The following NR3C1 variants were observed in gnomAD, a reference collection of about 807,000 sequenced individuals.
The protein encoded by NR3C1 is nuclear receptor subfamily 3 group C member 1.
A neutral mutation model predicts 74.0 loss-of-function variants in NR3C1; 14 were observed. That is an observed-to-expected ratio of 0.19 (90% CI 0.12 to 0.30). The LOEUF (loss-of-function observed/expected upper bound fraction) is 0.30. NR3C1 is among the 10% of genes least tolerant of loss of function. The pLI is 1.00. For missense variants in NR3C1, 695 were observed against 909.8 expected (o/e 0.76, Z 3.04); for synonymous variants, 308 against 332.5 (o/e 0.93, Z 0.80).
intron 5 of NR3C1, among the ~76,000 whole-genome samples, chr5:143,299,122 C>T (rs1267223384): frequency 6.7e-6 from 1 of 148,972 alleles, no homozygotes; most frequent in Non-Finnish European, 1.5e-5. Flanking sequence ...TCAAGTGATT[C>T]TCAGTGCCAG....
At chr5:143,372,173 G>T (rs1834344402) in intron 2 of NR3C1, among the ~76,000 whole-genome samples, 1 of 152,108 alleles carries the variant, frequency 6.6e-6, no homozygotes, top group African/African-American at 2.4e-5. Context: ...TCTTATCATA[G>T]ATCTTAGCAG....
chr5:143,434,749 T>G, exon 1 of NR3C1: 1 of 985,442 alleles, frequency 1.0e-6, no homozygotes, highest in South Asian at 4.7e-5. Context: ...TCTGCAGCAG[T>G]CGTCACAGAA....
intron 2 of NR3C1, among the ~76,000 whole-genome samples, chr5:143,365,429 G>A (rs1188311354): frequency 1.3e-5 from 2 of 152,112 alleles, no homozygotes; most frequent in East Asian, 1.9e-4. Flanking sequence ...TGTTCTTATA[G>A]GGCACTGTAT....
At chr5:143,355,655 A>C (rs1356432540) in intron 2 of NR3C1, among the ~76,000 whole-genome samples, 1 of 152,210 alleles carries the variant, frequency 6.6e-6, no homozygotes, top group Non-Finnish European at 1.5e-5. Context: ...ATAAGGAGCA[A>C]GCCAATTTGA....
intron 2 of NR3C1, among the ~76,000 whole-genome samples, chr5:143,391,799 T>A (rs1444396928): frequency 6.6e-6 from 1 of 152,132 alleles, no homozygotes; most frequent in Non-Finnish European, 1.5e-5. Context: ...GGATTGCACA[T>A]AGCAGACCCT....
chr5:143,379,384 C>T (rs1228784321), intron 2 of NR3C1, among the ~76,000 whole-genome samples: 2 of 152,262 alleles, frequency 1.3e-5, no homozygotes, highest in Middle Eastern at 3.4e-3. Context: ...GGAATCTGAA[C>T]CTTTGTTAGT....
Position 143,310,097 on chromosome 5 carries a change from C to A in NR3C1, c.1468G>T (p.Ala490Ser). Residue 490 changes from alanine (A) to serine (S), a missense_variant and splice_region_variant, in exon 4 of 9, where the codon GCT becomes TCT. Ala to Ser is a moderately conservative substitution (Grantham distance 99). This residue lies in a region of NR3C1 where 42 missense variants were observed against 49.3 expected (regional missense o/e 0.85). Transcript: ENST00000394464. ...KCLQAGMNLE[A>S]RKTKKKIKGI... is the part of the protein sequence containing the mutation. Reference sequence around the variant, plus strand: ...AATTGCTTTCAGATATTTATATTACCTTCCAGGTTCATTCCAGCCTGAAGA... The same window carrying A: ...AATTGCTTTCAGATATTTATATTACATTCCAGGTTCATTCCAGCCTGAAGA... 1.2e-6 allele frequency: 2 copies of A among 1,607,662 alleles called. No individual in the cohort carries two copies. The highest frequency in any genetic ancestry group is 1.3e-5 in the African/African-American group (1 of 74,898).
intron 7 of NR3C1, among the ~76,000 whole-genome samples, chr5:143,284,536 T>C (rs1599660387): frequency 6.8e-6 from 1 of 147,528 alleles, no homozygotes; most frequent in South Asian, 2.2e-4. Context: ...ATAGTTTTTT[T>C]CCCTGCCGTA....
intron 4 of NR3C1, among the ~76,000 whole-genome samples, chr5:143,306,785 C>T (rs750680327): frequency 1.3e-5 from 2 of 150,676 alleles, no homozygotes; most frequent in Non-Finnish European, 2.9e-5. Flanking sequence ...TCTACACTAA[C>T]TGGATACGTT....
intron 2 of NR3C1, among the ~76,000 whole-genome samples, chr5:143,357,670 T>C (rs1468976958): frequency 6.6e-6 from 1 of 152,224 alleles, no homozygotes; most frequent in East Asian, 1.9e-4. Flanking sequence ...ACTTTTTCTT[T>C]TTATGTTGTG....
At chr5:143,395,608 C>T (rs1839049396) in intron 2 of NR3C1, among the ~76,000 whole-genome samples, 1 of 151,690 alleles carries the variant, frequency 6.6e-6, no homozygotes, top group South Asian at 2.1e-4. Flanking sequence ...ATTTAATTTG[C>T]CCACCTAAGT....
At chr5:143,388,290 T>C (rs943143002) in intron 2 of NR3C1, among the ~76,000 whole-genome samples, 1 of 152,234 alleles carries the variant, frequency 6.6e-6, no homozygotes, top group African/African-American at 2.4e-5. Context: ...TATTTCTATC[T>C]GGGGAAGATA....
intron 2 of NR3C1, among the ~76,000 whole-genome samples, chr5:143,356,211 A>G (rs780520026): frequency 6.6e-6 from 1 of 152,218 alleles, no homozygotes; most frequent in Non-Finnish European, 1.5e-5. Flanking sequence ...ATCAGTTTAA[A>G]TATCTTTTAA....
intron 2 of NR3C1, among the ~76,000 whole-genome samples, chr5:143,333,576 TG>T: frequency 6.6e-6 from 1 of 152,228 alleles, no homozygotes; most frequent in South Asian, 2.1e-4. Flanking sequence ...GAGACCATCC[TG>T]GCCAACATGG....
rs569451216 is a variant in NR3C1, at chr5:143,358,700, G to A, written c.1184+40956C>T. On this transcript the variant is annotated intron_variant, in intron 2 of 8. Transcript: ENST00000394464. ...GCGGATCACCTGAGGTCAGGAGTTC[G>A]AGACCAGCCTGACCAACATGGAGAA... 7.2e-5 allele frequency among the ~76,000 whole-genome samples: 11 copies of A among 152,114 alleles called. No individual in the cohort carries two copies. In the South Asian group the frequency reaches 2.3e-3, roughly 32 times the overall value.
intron 2 of NR3C1, among the ~76,000 whole-genome samples, chr5:143,367,270 C>T (rs545322972): frequency 2.6e-5 from 4 of 152,238 alleles, no homozygotes; most frequent in African/African-American, 9.6e-5. Context: ...GGAACATTCT[C>T]AATCTGATAA....
chr5:143,296,754 A>T (rs1817330239), intron 6 of NR3C1, among the ~76,000 whole-genome samples: 2 of 152,236 alleles, frequency 1.3e-5, no homozygotes, highest in African/African-American at 4.8e-5. Context: ...CAGACACCAG[A>T]GCAGTATGGA....
intron 1 of NR3C1, among the ~76,000 whole-genome samples, chr5:143,401,626 C>T (rs1840301873): frequency 6.6e-6 from 1 of 152,200 alleles, no homozygotes; most frequent in Non-Finnish European, 1.5e-5. Context: ...TGTTAGCTTA[C>T]ATAACTTAAA....
chr5:143,279,275 G>A lies in NR3C1; in HGVS notation c.*2614C>T. On this transcript the variant is annotated 3_prime_UTR_variant, in exon 9 of 9. Transcript: ENST00000394464. ...CTCCTATAGTTGTCGATGAGCATCA[G>A]TTGACTTATTATTGACAACGAAGTG... 6.9e-7 allele frequency: 1 copy of A among 1,448,744 alleles called. No individual in the cohort carries two copies. The allele number at this position is 1,448,744 out of a possible 1,614,324, so 89.7% of individuals were successfully genotyped here.
Sources: gnomAD v4.1 joint callset for allele counts (sites outside exome capture counted in the v4.1 genomes callset) on GRCh38, gnomAD v4.1.1 for gene constraint, gnomAD v4.1.1 regional missense constraint, MANE v1.5 for transcripts, NCBI Gene and HGNC (gene_info 2026-07-23, HGNC 2026-07-21) for gene names.